The following PHLDB2 variants were observed in gnomAD, a reference collection of about 807,000 sequenced individuals.
The protein encoded by PHLDB2 is pleckstrin homology like domain family B member 2, also known as pleckstrin homology-like domain family B member 2.
A neutral mutation model predicts 123.6 loss-of-function variants in PHLDB2; 71 were observed. The ratio of observed to expected loss-of-function variants is 0.57; its 90% CI spans 0.47 to 0.70. The LOEUF (loss-of-function observed/expected upper bound fraction) is 0.70, where lower values mean the gene tolerates loss of function less well. Among genes scored for constraint, PHLDB2 ranks in the 30% least tolerant of loss-of-function variants. The pLI is 0.00. For synonymous variants in PHLDB2, 547 were observed against 541.6 expected, an observed-to-expected ratio of 1.01 and a Z score of -0.14; for missense variants, 1,446 against 1,519.5, an observed-to-expected ratio of 0.95 and a Z score of 0.80.
chr3:111,874,550 C>T (rs1314643656), intron 1 of PHLDB2, among the ~76,000 whole-genome samples: 1 of 152,274 alleles, frequency 6.6e-6, no homozygotes. Context: ...TTAACAAAGC[C>T]TCTGCAAGCC....
intron 2 of PHLDB2, among the ~76,000 whole-genome samples, chr3:111,891,280 A>G (rs2066475894): frequency 6.6e-6 from 1 of 152,140 alleles, no homozygotes; most frequent in East Asian, 1.9e-4. Context: ...GTGAGCGGTG[A>G]GCCAGCAAAG....
intron 1 of PHLDB2, among the ~76,000 whole-genome samples, chr3:111,774,128 G>T (rs1314929459): frequency 6.6e-6 from 1 of 152,220 alleles, no homozygotes; most frequent in African/African-American, 2.4e-5. Flanking sequence ...ACTGTAGGGA[G>T]GAGAAAGCCA....
intron 1 of PHLDB2, among the ~76,000 whole-genome samples, chr3:111,872,382 T>G (rs962126529): frequency 6.6e-6 from 1 of 152,192 alleles, no homozygotes; most frequent in Non-Finnish European, 1.5e-5. Context: ...TTGCCTCCTC[T>G]CTTACACATG....
At chr3:111,785,295 G>T (rs910236318) in intron 1 of PHLDB2, among the ~76,000 whole-genome samples, 8 of 151,932 alleles carry the variant, frequency 5.3e-5, no homozygotes, top group African/African-American at 1.7e-4. Context: ...ATTCTCAAGG[G>T]CTCTTGAGAT....
At chr3:111,906,542 G>A (rs2107473824) in intron 2 of PHLDB2, among the ~76,000 whole-genome samples, 1 of 152,328 alleles carries the variant, frequency 6.6e-6, no homozygotes, top group East Asian at 1.9e-4. Context: ...GGGAATTTAA[G>A]CAGAATGGCC....
chr3:111,953,682 C>A, intron 11 of PHLDB2: 1 of 383,790 alleles, frequency 2.6e-6, no homozygotes, highest in South Asian at 3.6e-5. Context: ...ACAGTGTCTT[C>A]CCCAGCTGTC....
chr3:111,737,615 T>C (rs1183577953), intron 1 of PHLDB2, among the ~76,000 whole-genome samples: 2 of 152,142 alleles, frequency 1.3e-5, no homozygotes, highest in Non-Finnish European at 2.9e-5. Context: ...ATAAGACCTC[T>C]GTATTTGGAG....
intron 1 of PHLDB2, among the ~76,000 whole-genome samples, chr3:111,762,079 A>C (rs1371137448): frequency 6.6e-6 from 1 of 152,150 alleles, no homozygotes; most frequent in East Asian, 1.9e-4. Flanking sequence ...TCAGCTGAGA[A>C]CCAGACCAGC....
chr3:111,737,112 C>T (rs1195914945), intron 1 of PHLDB2, among the ~76,000 whole-genome samples: 1 of 152,178 alleles, frequency 6.6e-6, no homozygotes, highest in East Asian at 1.9e-4. Context: ...CTACAGAAAC[C>T]AGCTACAGTT....
At chr3:111,773,837 T>A (rs1227303708) in intron 1 of PHLDB2, among the ~76,000 whole-genome samples, 1 of 152,202 alleles carries the variant, frequency 6.6e-6, no homozygotes, top group East Asian at 1.9e-4. Flanking sequence ...ATTTCTAATA[T>A]CTCAAAACAT....
upstream of PHLDB2, among the ~76,000 whole-genome samples, chr3:111,854,801 T>C (rs1044300769): frequency 9.2e-5 from 14 of 152,212 alleles, no homozygotes; most frequent in African/African-American, 3.4e-4. Context: ...TAGAGACTTA[T>C]GAACAGAAGC....
At chr3:111,752,207 T>C (rs78905330) in intron 1 of PHLDB2, among the ~76,000 whole-genome samples, 1,468 of 146,798 alleles carry the variant, frequency 0.01, 17 homozygotes, top group African/African-American at 0.035. Context: ...CTCTAGTCAG[T>C]GGAAGTTTCT....
chr3:111,948,816 C>G, intron 9 of PHLDB2, 116 bp from the exon 10 acceptor site: 1 of 868,192 alleles, frequency 1.2e-6, no homozygotes, highest in Non-Finnish European at 1.8e-6. Context: ...TTGATAATAC[C>G]ACAGATATCT....
chr3:111,928,243 C>A (rs972580222), intron 5 of PHLDB2, among the ~76,000 whole-genome samples: 4 of 152,136 alleles, frequency 2.6e-5, no homozygotes, highest in Non-Finnish European at 5.9e-5. Context: ...GACTTTTATA[C>A]TGTGAAGTAA....
At chr3:111,754,094 G>A (rs1392160787) in intron 1 of PHLDB2, among the ~76,000 whole-genome samples, 1 of 151,960 alleles carries the variant, frequency 6.6e-6, no homozygotes, top group Non-Finnish European at 1.5e-5. Context: ...GATGCCTCCA[G>A]CTTTGTTCTT....
At chr3:111,964,285 C>CCACA (rs144106916) in intron 13 of PHLDB2, among the ~76,000 whole-genome samples, 98 of 150,428 alleles carry the variant, frequency 6.5e-4, no homozygotes, top group South Asian at 2.5e-3. Flanking sequence ...ATGTGTCTCA[C>CCACA]CACACACACA....
intron 5 of PHLDB2, 39 bp from the exon 6 acceptor site, chr3:111,932,230 A>G: frequency 6.5e-7 from 1 of 1,544,962 alleles, no homozygotes; most frequent in Non-Finnish European, 8.7e-7. Context: ...GGGGGTGTGA[A>G]GGTAATTTCT....
At chr3:111,808,541 G>T (rs2108316311) in intron 1 of PHLDB2, among the ~76,000 whole-genome samples, 1 of 151,684 alleles carries the variant, frequency 6.6e-6, no homozygotes, top group East Asian at 1.9e-4. Flanking sequence ...TACACATGCA[G>T]GTTTGTTACA....
At chr3:111,757,828 C>T (rs1414681447) in intron 1 of PHLDB2, among the ~76,000 whole-genome samples, 1 of 152,188 alleles carries the variant, frequency 6.6e-6, no homozygotes, top group African/African-American at 2.4e-5. Flanking sequence ...TAACAACAGA[C>T]CTCAGCTGCA....
Sources: allele counts gnomAD v4.1 joint callset (sites outside exome capture counted in the v4.1 genomes callset), GRCh38; gene constraint gnomAD v4.1.1; transcripts MANE v1.5; gene names NCBI Gene and HGNC (gene_info 2026-07-23, HGNC 2026-07-21).